TAFA1: variants seen among roughly 807,000 people sequenced by gnomAD.
TAFA1 encodes TAFA chemokine like family member 1.
In TAFA1, 4 loss-of-function variants were observed where a neutral mutation model predicts 18.5. The observed-to-expected ratio is 0.22, with a 90% CI of 0.11 to 0.49. TAFA1 has a LOEUF of 0.49. Among genes scored for constraint, TAFA1 ranks in the 20% least tolerant of loss-of-function variants. TAFA1 has a pLI of 0.98. For synonymous variants in TAFA1, 56 were observed against 55.2 expected, an observed-to-expected ratio of 1.01 and a Z score of -0.06; for missense variants, 147 against 169.0, an observed-to-expected ratio of 0.87 and a Z score of 0.72.
At chr3:68,283,913 C>T (rs1041683390) in intron 2 of TAFA1, among the ~76,000 whole-genome samples, 1 of 152,156 alleles carries the variant, frequency 6.6e-6, no homozygotes, top group South Asian at 2.1e-4. Flanking sequence ...TTTCACATCC[C>T]GTCAAGTTAA....
At chr3:68,218,655 T>C (rs2066692000) in intron 2 of TAFA1, among the ~76,000 whole-genome samples, 2 of 152,152 alleles carry the variant, frequency 1.3e-5, no homozygotes, top group Non-Finnish European at 2.9e-5. Flanking sequence ...GCTTCTTCTC[T>C]GGAATGCCGG....
At chr3:68,440,405 A>C (rs1422438200) in intron 3 of TAFA1, among the ~76,000 whole-genome samples, 1 of 152,212 alleles carries the variant, frequency 6.6e-6, no homozygotes, top group Non-Finnish European at 1.5e-5. Context: ...ATTTTAGGGC[A>C]CATGATAAAG....
At position 68,238,613 on chromosome 3, in the gene TAFA1, A is replaced by C. The variant is rs116941351; in HGVS notation, c.119-178667A>C. Among the ~76,000 whole-genome samples, 773 of 152,334 alleles carry C rather than the reference A, an allele frequency of 5.1e-3. 25 individuals carry two copies. The East Asian group carries it at 0.09, about 18-fold the overall frequency. ...GGACTGTTTAATCAAAAGCTGGCAC[A>C]AAGTGGCTAAATACAAAAAGAAAGG... On this transcript the variant is annotated intron_variant, in intron 2 of 4. Transcript: ENST00000478136.
intron 2 of TAFA1, among the ~76,000 whole-genome samples, chr3:68,216,146 A>G (rs374191904): frequency 9.2e-5 from 14 of 152,076 alleles, no homozygotes; most frequent in African/African-American, 3.4e-4. Flanking sequence ...AGTGGTTGCC[A>G]GAAGTTCAGG....
chr3:68,153,195 A>C (rs2065828118), intron 2 of TAFA1, among the ~76,000 whole-genome samples: 1 of 152,224 alleles, frequency 6.6e-6, no homozygotes, highest in African/African-American at 2.4e-5. Flanking sequence ...TAAATGATAC[A>C]AAATCTAACA....
At chr3:68,120,018 GA>G (rs1488608463) in intron 2 of TAFA1, among the ~76,000 whole-genome samples, 1 of 152,162 alleles carries the variant, frequency 6.6e-6, no homozygotes. Flanking sequence ...CTTCCTTTAA[GA>G]GAACTATGAA....
rs141910077 is a variant in TAFA1 at position 68,044,344 on chromosome 3, A to G, written c.118+37600A>G. Among the ~76,000 whole-genome samples the G allele has an allele frequency of 4.6e-3, 704 of 152,324 alleles. 6 individuals carry two copies. Among genetic ancestry groups the G allele is most frequent in the African/African-American group, 0.015 (641 of 41,564 alleles). ...TTTGTCACTGAAACCCTAGTGTCTT[A>G]CAAAATGATGATTACATATCTGTTG... On this transcript the variant is annotated intron_variant, in intron 2 of 4. Coordinates refer to ENST00000478136, the MANE Select transcript of TAFA1 (RefSeq NM_213609.4).
chr3:68,249,248 C>T (rs1326772581), intron 2 of TAFA1, among the ~76,000 whole-genome samples: 1 of 152,168 alleles, frequency 6.6e-6, no homozygotes, highest in Non-Finnish European at 1.5e-5. Flanking sequence ...GACTTGATCT[C>T]CCCTAGTCCC....
At chr3:68,407,636 T>C (rs892865485) in intron 2 of TAFA1, among the ~76,000 whole-genome samples, 5 of 152,120 alleles carry the variant, frequency 3.3e-5, no homozygotes, top group African/African-American at 1.2e-4. Flanking sequence ...AAGTTGATGC[T>C]GTCATCCACA....
chr3:68,417,755 A>T lies in TAFA1; in HGVS notation c.259+335A>T, dbSNP rs374928141. On this transcript the variant is annotated intron_variant, in intron 3 of 4. Coordinates refer to ENST00000478136, the MANE Select transcript of TAFA1 (RefSeq NM_213609.4). ...ACCTGAGACTGGGTAATTTATAAAG[A>T]AAAGAGGCTTAATTGGCTCCTGGAT... Among the ~76,000 whole-genome samples the T allele has an allele frequency of 3.7e-4, 57 of 152,262 alleles. No homozygotes were observed. In the Middle Eastern group the frequency reaches 0.01, roughly 27 times the overall value.
intron 2 of TAFA1, among the ~76,000 whole-genome samples, chr3:68,054,254 C>T (rs2064506367): frequency 1.3e-5 from 2 of 151,996 alleles, no homozygotes; most frequent in South Asian, 4.1e-4. Flanking sequence ...GAATGTCTTC[C>T]CTTTGGGAGC....
rs548368346 is a variant in TAFA1 at position 68,025,627 on chromosome 3, C to T, written c.118+18883C>T. ...CTCCTACTTCACTCTTCTTTGCTCA[C>T]TCTCCTTTATCCACACTGGGCTCCT... On this transcript the variant is annotated intron_variant, in intron 2 of 4. Transcript: ENST00000478136. Among the ~76,000 whole-genome samples the T allele has an allele frequency of 7.2e-5, 11 of 152,268 alleles. No homozygotes were observed. In the South Asian group the frequency reaches 2.1e-3, roughly 29 times the overall value.
At chr3:68,247,597 C>G (rs2067105258) in intron 2 of TAFA1, 1 of 152,262 alleles carries the variant, frequency 6.6e-6, no homozygotes, top group Admixed American at 6.5e-5. Flanking sequence ...TTACTCTCTC[C>G]CAACTCCCCC....
chr3:68,431,434 C>T (rs568596582), intron 3 of TAFA1, among the ~76,000 whole-genome samples: 1 of 151,956 alleles, frequency 6.6e-6, no homozygotes, highest in South Asian at 2.1e-4. Context: ...AAAATGTTAC[C>T]AACATTATGA....
chr3:68,230,015 G>C (rs957715962), intron 2 of TAFA1, among the ~76,000 whole-genome samples: 1 of 151,828 alleles, frequency 6.6e-6, no homozygotes, highest in African/African-American at 2.4e-5. Flanking sequence ...CATGTACATG[G>C]GGTACATGGG....
intron 2 of TAFA1, among the ~76,000 whole-genome samples, chr3:68,238,561 G>A (rs1002012594): frequency 3.9e-5 from 6 of 152,128 alleles, no homozygotes; most frequent in Non-Finnish European, 8.8e-5. Flanking sequence ...ATTTCCTGAT[G>A]ATGACAACTT....
intron 3 of TAFA1, among the ~76,000 whole-genome samples, chr3:68,504,830 C>T (rs2072719787): frequency 6.6e-6 from 1 of 152,132 alleles, no homozygotes; most frequent in African/African-American, 2.4e-5. Context: ...TGCTATGGTA[C>T]ACAGATGTAC....
chr3:68,300,345 G>T (rs749290364), intron 2 of TAFA1, among the ~76,000 whole-genome samples: 1 of 152,188 alleles, frequency 6.6e-6, no homozygotes, highest in Non-Finnish European at 1.5e-5. Flanking sequence ...CATGGAAGCT[G>T]TAGCCCTTTT....
chr3:68,292,270 CT>C (rs767253407), intron 2 of TAFA1, among the ~76,000 whole-genome samples: 3 of 152,050 alleles, frequency 2.0e-5, no homozygotes, highest in Non-Finnish European at 2.9e-5. Flanking sequence ...CCCAGACCAT[CT>C]TCTTTATGGC....
Sources: gnomAD v4.1 joint callset for allele counts (sites outside exome capture counted in the v4.1 genomes callset) on GRCh38, gnomAD v4.1.1 for gene constraint, MANE v1.5 for transcripts, NCBI Gene and HGNC (gene_info 2026-07-23, HGNC 2026-07-21) for gene names.